Variants in EPHA6 observed in about 807,000 individuals in gnomAD.
EPHA6 encodes EPH receptor A6.
EPHA6 carries 50 observed loss-of-function variants against 112.0 expected under a neutral mutation model. The observed-to-expected ratio is 0.45, with a 90% CI of 0.36 to 0.56. The LOEUF (loss-of-function observed/expected upper bound fraction) is 0.56, where lower values mean the gene tolerates loss of function less well. EPHA6 is among the 20% of genes least tolerant of loss of function. The pLI is 0.00. For synonymous variants in EPHA6, 529 were observed against 490.7 expected (o/e 1.08, Z -1.03); for missense variants, 1,280 against 1,417.4 (o/e 0.90, Z 1.56).
chr3:97,011,742 A>G (rs776894638), intron 3 of EPHA6, among the ~76,000 whole-genome samples: 3 of 152,246 alleles, frequency 2.0e-5, no homozygotes, highest in Non-Finnish European at 2.9e-5. Context: ...AAATGATCCC[A>G]TCACCCAGGT....
At position 97,058,553 on chromosome 3, in the gene EPHA6, T is replaced by C. The variant is rs183751252; in HGVS notation, c.1114+70560T>C. ...CTGACCTCAGGTGATCCACCCACCT[T>C]GGCCTCCCAAAGTGCTGGGATTACA... On this transcript the variant is annotated intron_variant, in intron 3 of 17. Coordinates refer to ENST00000389672, the MANE Select transcript of EPHA6 (RefSeq NM_001080448.3). Among the ~76,000 whole-genome samples the C allele has an allele frequency of 1.4e-3, 217 of 152,242 alleles. 1 individual carries two copies. Among genetic ancestry groups the C allele is most frequent in the Non-Finnish European group, 2.1e-4 (14 of 68,004 alleles).
chr3:97,511,254 G>A (rs897857966), intron 10 of EPHA6, among the ~76,000 whole-genome samples: 13 of 152,112 alleles, frequency 8.5e-5, no homozygotes, highest in Admixed American at 2.6e-4. Context: ...CAGCTAGCTC[G>A]GTGTCTGCCC....
intron 3 of EPHA6, among the ~76,000 whole-genome samples, chr3:97,211,834 C>T (rs1163229714): frequency 1.3e-5 from 2 of 152,222 alleles, no homozygotes; most frequent in Non-Finnish European, 2.9e-5. Context: ...AGAACTCAAA[C>T]CCATGTGATC....
At chr3:97,204,979 T>A (rs905941914) in intron 3 of EPHA6, among the ~76,000 whole-genome samples, 5 of 152,082 alleles carry the variant, frequency 3.3e-5, no homozygotes, top group Admixed American at 6.6e-5. Context: ...TCCATTAAAA[T>A]TACATAGAAA....
At chr3:97,214,032 TGTGTGTGA>T (rs1345997343) in intron 3 of EPHA6, among the ~76,000 whole-genome samples, 81 of 136,808 alleles carry the variant, frequency 5.9e-4, no homozygotes, top group African/African-American at 2.1e-3. Flanking sequence ...TGTGTGTGTG[TGTGTGTGA>T]GAGAGAGAGA....
At chr3:96,941,154 A>G (rs967725633) in intron 2 of EPHA6, among the ~76,000 whole-genome samples, 1 of 152,096 alleles carries the variant, frequency 6.6e-6, no homozygotes, top group Non-Finnish European at 1.5e-5. Context: ...CTGCCTTGCT[A>G]TATTTGGGAA....
intron 1 of EPHA6, among the ~76,000 whole-genome samples, chr3:96,844,751 G>C (rs1309646792): frequency 1.3e-5 from 2 of 151,872 alleles, no homozygotes; most frequent in Non-Finnish European, 2.9e-5. Context: ...AAGAATTAGA[G>C]AAAAATATAT....
At chr3:97,596,902 A>ATATATATATATATATATATG (rs1488752484) in intron 12 of EPHA6, among the ~76,000 whole-genome samples, 19 of 114,312 alleles carry the variant, frequency 1.7e-4, no homozygotes, top group African/African-American at 5.7e-4. Flanking sequence ...ATATATATAT[A>ATATATATATATATATATATG]TATGTATGTA....
intron 7 of EPHA6, among the ~76,000 whole-genome samples, chr3:97,452,537 T>C (rs186294560): frequency 5.9e-5 from 9 of 151,952 alleles, no homozygotes; most frequent in Admixed American, 5.9e-4. Flanking sequence ...TACTGTGTAC[T>C]GGCCTTATTA....
intron 2 of EPHA6, among the ~76,000 whole-genome samples, chr3:96,978,875 A>G (rs903192795): frequency 9.9e-5 from 15 of 152,162 alleles, no homozygotes; most frequent in African/African-American, 3.4e-4. Flanking sequence ...ACATCTCCGC[A>G]ACTGAATGTA....
chr3:96,845,134 C>A (rs544006653), intron 1 of EPHA6, among the ~76,000 whole-genome samples: 1 of 151,930 alleles, frequency 6.6e-6, no homozygotes, highest in African/African-American at 2.4e-5. Context: ...GAAAGAATGA[C>A]TTTAGGAAAG....
At chr3:97,526,190 G>C (rs1424731582) in intron 10 of EPHA6, among the ~76,000 whole-genome samples, 1 of 152,196 alleles carries the variant, frequency 6.6e-6, no homozygotes, top group Non-Finnish European at 1.5e-5. Flanking sequence ...AGAGGTGAGG[G>C]ATTCAGCCTG....
intron 2 of EPHA6, among the ~76,000 whole-genome samples, chr3:96,910,363 G>C (rs1035322885): frequency 6.6e-6 from 1 of 151,992 alleles, no homozygotes; most frequent in Non-Finnish European, 1.5e-5. Flanking sequence ...CCTGATAATT[G>C]ATCTCTCTTC....
chr3:97,082,047 G>T (rs2046738390), intron 3 of EPHA6, among the ~76,000 whole-genome samples: 3 of 151,386 alleles, frequency 2.0e-5, no homozygotes, highest in Admixed American at 6.6e-5. Flanking sequence ...ATTAATTTTT[G>T]ATTGAAAAGT....
chr3:97,117,492 T>A (rs749989568), intron 3 of EPHA6, among the ~76,000 whole-genome samples: 1 of 151,840 alleles, frequency 6.6e-6, no homozygotes, highest in Non-Finnish European at 1.5e-5. Flanking sequence ...TCGATATTTG[T>A]ATATTGAGTG....
At chr3:97,451,478 A>G (rs967430876) in intron 7 of EPHA6, among the ~76,000 whole-genome samples, 1 of 151,816 alleles carries the variant, frequency 6.6e-6, no homozygotes, top group Non-Finnish European at 1.5e-5. Flanking sequence ...TTGAAGAGAT[A>G]AAATGTCTGA....
intron 3 of EPHA6, among the ~76,000 whole-genome samples, chr3:97,018,949 C>T (rs973647226): frequency 1.3e-5 from 2 of 152,184 alleles, no homozygotes; most frequent in Non-Finnish European, 2.9e-5. Context: ...CTCTGGTAGC[C>T]CTGTCTGGGC....
At position 96,987,440 on chromosome 3, in the gene EPHA6, C is replaced by T. The variant is rs2043063295; in HGVS notation, c.561C>T (p.Ser187=). The change falls in exon 3 of 18, where the codon TCC becomes TCT. Residue 187 remains serine (S), a synonymous_variant. Coordinates refer to ENST00000389672, the MANE Select transcript of EPHA6 (RefSeq NM_001080448.3). ...ACTGGCTTCGTACAAACTGGATCTC[C>T]CGTGATGCAGCTCAGAAAATTTATG... ...QNNWLRTNWI[S]RDAAQKIYVE... 4 of 1,613,844 alleles carry T rather than the reference C, an allele frequency of 2.5e-6. No individual in the cohort carries two copies. The highest frequency in any genetic ancestry group is 1.3e-5 in the African/African-American group (1 of 75,008).
intron 5 of EPHA6, among the ~76,000 whole-genome samples, chr3:97,344,153 G>A (rs980953776): frequency 4.6e-5 from 7 of 152,084 alleles, no homozygotes; most frequent in Non-Finnish European, 7.3e-5. Flanking sequence ...TGATTTAGAT[G>A]ATATTTAAAT....
Sources: gnomAD v4.1 joint callset for allele counts (sites outside exome capture counted in the v4.1 genomes callset) on GRCh38, gnomAD v4.1.1 for gene constraint, MANE v1.5 for transcripts, NCBI Gene and HGNC (gene_info 2026-07-23, HGNC 2026-07-21) for gene names.